The following BABAM2 variants were observed in gnomAD, a reference collection of about 807,000 sequenced individuals.
The protein encoded by BABAM2 is BRISC and BRCA1-A complex member 2.
A neutral mutation model predicts 54.7 loss-of-function variants in BABAM2; 31 were observed. That is an observed-to-expected ratio of 0.57 (90% CI 0.43 to 0.77). The LOEUF (loss-of-function observed/expected upper bound fraction) is 0.77, where lower values mean the gene tolerates loss of function less well. Ranked by LOEUF, BABAM2 falls within the 30% of genes least tolerant of loss-of-function variation. BABAM2 has a pLI of 0.00. For missense variants in BABAM2, 364 were observed against 455.8 expected, an observed-to-expected ratio of 0.80 and a Z score of 1.83; for synonymous variants, 167 against 162.9, an observed-to-expected ratio of 1.03 and a Z score of -0.19.
chr2:28,209,461 G>T (rs116730043), intron 7 of BABAM2, among the ~76,000 whole-genome samples: 9,188 of 152,126 alleles, frequency 0.06, 326 homozygotes, highest in Middle Eastern at 0.12. Context: ...TGTGGCCTGA[G>T]GAAAAAGGGT....
chr2:28,003,264 T>C (rs1673707650), intron 4 of BABAM2, among the ~76,000 whole-genome samples: 1 of 152,156 alleles, frequency 6.6e-6, no homozygotes, highest in African/African-American at 2.4e-5. Flanking sequence ...TGTATTGCTG[T>C]GTGGTGCTGT....
At chr2:28,061,525 C>G (rs1678866011) in intron 6 of BABAM2, among the ~76,000 whole-genome samples, 1 of 146,208 alleles carries the variant, frequency 6.8e-6, no homozygotes, top group Admixed American at 6.9e-5. Flanking sequence ...GCGGAGCTTG[C>G]ACTGAGCTGA....
intron 4 of BABAM2, among the ~76,000 whole-genome samples, chr2:28,023,581 A>G (rs867848634): frequency 4.6e-5 from 7 of 152,194 alleles, no homozygotes; most frequent in Admixed American, 4.6e-4. Flanking sequence ...TTTCATATCA[A>G]GATACCCCTC....
At chr2:28,004,542 ATTAC>A (rs1363519870) in intron 4 of BABAM2, among the ~76,000 whole-genome samples, 7 of 152,222 alleles carry the variant, frequency 4.6e-5, no homozygotes, top group Non-Finnish European at 8.8e-5. Flanking sequence ...AGGACAGCTA[ATTAC>A]TTATAGTATC....
At chr2:28,058,013 G>A (rs1055670836) in intron 6 of BABAM2, among the ~76,000 whole-genome samples, 2 of 152,016 alleles carry the variant, frequency 1.3e-5, no homozygotes, top group Non-Finnish European at 2.9e-5. Context: ...GCATGGTGGC[G>A]GGCACCTGGA....
intron 4 of BABAM2, among the ~76,000 whole-genome samples, chr2:27,988,703 A>G (rs1429251295): frequency 6.6e-6 from 1 of 152,250 alleles, no homozygotes; most frequent in Non-Finnish European, 1.5e-5. Flanking sequence ...TTTAGTAAGC[A>G]TACGTACTTA....
intron 11 of BABAM2, among the ~76,000 whole-genome samples, chr2:28,316,561 G>T (rs568695082): frequency 2.0e-5 from 3 of 152,234 alleles, no homozygotes; most frequent in Admixed American, 1.3e-4. Context: ...GCCTTATGGG[G>T]GATTTTCTTT....
At chr2:28,102,227 C>T (rs180798127) in intron 6 of BABAM2, among the ~76,000 whole-genome samples, 1 of 152,262 alleles carries the variant, frequency 6.6e-6, no homozygotes, top group Non-Finnish European at 1.5e-5. Context: ...AACGCTTTTT[C>T]ACTGTGCTTG....
At chr2:28,205,031 AT>A (rs565848893) in intron 7 of BABAM2, among the ~76,000 whole-genome samples, 9 of 147,716 alleles carry the variant, frequency 6.1e-5, no homozygotes, top group African/African-American at 1.5e-4. Flanking sequence ...ATTCTTTTCT[AT>A]TTTTTTTTGG....
chr2:28,083,627 A>G (rs903791488), intron 6 of BABAM2, among the ~76,000 whole-genome samples: 4 of 152,068 alleles, frequency 2.6e-5, no homozygotes, highest in Non-Finnish European at 1.5e-5. Context: ...ATTTTTACTG[A>G]ACCGATTGAT....
intron 6 of BABAM2, among the ~76,000 whole-genome samples, chr2:28,077,497 T>G (rs1371472266): frequency 6.6e-6 from 1 of 152,210 alleles, no homozygotes; most frequent in Non-Finnish European, 1.5e-5. Context: ...CTAGAACTTC[T>G]AAGGATAAAG....
At chr2:28,333,595 C>T (rs1189755966) in intron 11 of BABAM2, among the ~76,000 whole-genome samples, 1 of 152,182 alleles carries the variant, frequency 6.6e-6, no homozygotes, top group African/African-American at 2.4e-5. Flanking sequence ...CTGGGTTGGA[C>T]CGAGTTGTAA....
intron 10 of BABAM2, among the ~76,000 whole-genome samples, chr2:28,295,685 C>T (rs879863213): frequency 9.2e-5 from 14 of 151,952 alleles, no homozygotes; most frequent in Non-Finnish European, 1.3e-4. Context: ...TTAGTAGAGA[C>T]GGGGTTTCAC....
chr2:27,970,315 C>G (rs1278125119), intron 3 of BABAM2, among the ~76,000 whole-genome samples: 12 of 152,058 alleles, frequency 7.9e-5, no homozygotes, highest in Non-Finnish European at 1.5e-4. Flanking sequence ...ATATTTTTCT[C>G]TCAAATTGTT....
chr2:28,137,395 T>C (rs894217710), intron 7 of BABAM2, among the ~76,000 whole-genome samples: 1 of 152,156 alleles, frequency 6.6e-6, no homozygotes, highest in Admixed American at 6.5e-5. Flanking sequence ...AGCTGTCTTA[T>C]CCTCTAGGGA....
At chr2:27,889,834 G>A (rs1395760271), upstream of BABAM2, 1 of 162,666 alleles carries the variant, frequency 6.1e-6, no homozygotes, top group African/African-American at 2.4e-5. Context: ...TGTTACGCTT[G>A]ACAAAACACT....
At chr2:27,963,761 C>G (rs75599954) in intron 3 of BABAM2, among the ~76,000 whole-genome samples, 2 of 152,076 alleles carry the variant, frequency 1.3e-5, no homozygotes, top group Middle Eastern at 3.2e-3. Context: ...GTAAATGGAA[C>G]AATCATTGGA....
At chr2:28,196,913 C>T (rs1474357591) in intron 7 of BABAM2, among the ~76,000 whole-genome samples, 1 of 124,674 alleles carries the variant, frequency 8.0e-6, no homozygotes, top group Non-Finnish European at 1.6e-5. Context: ...GGCATGATCT[C>T]AGCTCACTGC....
chr2:28,139,367 G>C (rs1397346901), intron 7 of BABAM2, among the ~76,000 whole-genome samples: 3 of 149,410 alleles, frequency 2.0e-5, no homozygotes, highest in African/African-American at 7.4e-5. Context: ...AAAAGAGGTG[G>C]AGACCATCCT....
Sources: gnomAD v4.1 joint callset for allele counts (sites outside exome capture counted in the v4.1 genomes callset) on GRCh38, gnomAD v4.1.1 for gene constraint, MANE v1.5 for transcripts, NCBI Gene and HGNC (gene_info 2026-07-23, HGNC 2026-07-21) for gene names.